The following IER3IP1 variants were observed in gnomAD, a reference collection of about 807,000 sequenced individuals.
IER3IP1 encodes immediate early response 3-interacting protein 1.
In IER3IP1, 16 loss-of-function variants were observed where a neutral mutation model predicts 12.2. That is an observed-to-expected ratio of 1.31 (90% CI 0.89 to 1.99). The LOEUF (loss-of-function observed/expected upper bound fraction) is 1.99. IER3IP1 is among the 30% of genes most tolerant of loss of function. The pLI is 0.00. For synonymous variants in IER3IP1, 42 were observed against 40.0 expected (o/e 1.05, Z -0.19); for missense variants, 95 against 95.8 (o/e 0.99, Z 0.03).
intron 1 of IER3IP1, among the ~76,000 whole-genome samples, chr18:47,158,543 T>C (rs1483316603): frequency 2.0e-5 from 3 of 150,924 alleles, no homozygotes; most frequent in Admixed American, 1.3e-4. Flanking sequence ...GGTTTCGTCA[T>C]GTTACCCAGG....
intron 1 of IER3IP1, among the ~76,000 whole-genome samples, chr18:47,166,094 T>C (rs11873880): frequency 0.079 from 11,975 of 152,218 alleles, 548 homozygotes; most frequent in Non-Finnish European, 0.098. Context: ...ATCCACTTCA[T>C]TATGTGGCAT....
intron 1 of IER3IP1, among the ~76,000 whole-genome samples, chr18:47,157,841 A>C (rs2063966552): frequency 6.6e-6 from 1 of 152,160 alleles, no homozygotes; most frequent in African/African-American, 2.4e-5. Flanking sequence ...TTTTTTTAAA[A>C]TATCATACAA....
At chr18:47,160,421 C>A (rs2063976221) in intron 1 of IER3IP1, among the ~76,000 whole-genome samples, 1 of 152,190 alleles carries the variant, frequency 6.6e-6, no homozygotes, top group African/African-American at 2.4e-5. Context: ...AATGCGGGTT[C>A]AATTCACTAA....
Position 47,174,345 on chromosome 18 carries a change from G to GT in IER3IP1, c.91+1841dup, listed in dbSNP as rs2064024572. Among the ~76,000 whole-genome samples the GT allele has an allele frequency of 4.6e-5, 7 of 152,278 alleles. No homozygotes were observed. In the South Asian group the frequency reaches 1.5e-3, roughly 32 times the overall value. On this transcript the variant is annotated intron_variant, in intron 1 of 2. Coordinates refer to ENST00000256433, the MANE Select transcript of IER3IP1 (RefSeq NM_016097.5). The stretch of plus-strand genomic sequence containing the variant: ...AAGGCACTTGATACAGATCCTGTAC[G>GT]TAAGTGCTACGTAAGTATTAGCTAT...
At chr18:47,163,741 CACATATTACTTTGATAAAAGTAAAA>C (rs1255305938) in intron 1 of IER3IP1, among the ~76,000 whole-genome samples, 1 of 152,134 alleles carries the variant, frequency 6.6e-6, no homozygotes, top group Non-Finnish European at 1.5e-5. Flanking sequence ...GAAAATCATA[CACATATTACTTTGATAAAAGTAAAA>C]ACAAAATTTA....
intron 1 of IER3IP1, among the ~76,000 whole-genome samples, chr18:47,163,393 G>A (rs956776514): frequency 4.6e-5 from 7 of 152,196 alleles, no homozygotes; most frequent in Admixed American, 3.3e-4. Flanking sequence ...GTCCCAGGTG[G>A]AATGGAATAG....
At chr18:47,166,226 A>C (rs1175077709) in intron 1 of IER3IP1, among the ~76,000 whole-genome samples, 1 of 152,244 alleles carries the variant, frequency 6.6e-6, no homozygotes, top group Non-Finnish European at 1.5e-5. Context: ...CATATCCCTC[A>C]TATCAGGAAT....
intron 1 of IER3IP1, among the ~76,000 whole-genome samples, chr18:47,173,288 G>C (rs2064020922): frequency 6.6e-6 from 1 of 152,202 alleles, no homozygotes; most frequent in Admixed American, 6.5e-5. Context: ...AGGGCCAAGA[G>C]ATCTTTGACT....
At chr18:47,158,980 G>C (rs1221413419) in intron 1 of IER3IP1, among the ~76,000 whole-genome samples, 1 of 151,884 alleles carries the variant, frequency 6.6e-6, no homozygotes, top group South Asian at 2.1e-4. Context: ...TTTTTTTAAA[G>C]AGGCAAATGT....
In IER3IP1 at chr18:47,154,348, T is replaced by C. The variant is rs1419488004; in HGVS notation, c.*1829A>G. The C allele has an allele frequency of 6.6e-6, 1 of 152,240 alleles. No homozygotes were observed. Among genetic ancestry groups the C allele is most frequent in the Admixed American group, 6.5e-5 (1 of 15,292 alleles). The allele number at this position is 152,240 out of a possible 1,614,324, so 9.4% of individuals were successfully genotyped here. ...AGATATGACATATTTTGATGTTCAG[T>C]TCAGTGCTTCACTTTCCTCAGAACT... On this transcript the variant is annotated 3_prime_UTR_variant, in exon 3 of 3. Transcript: ENST00000256433.
At position 47,153,550 on chromosome 18, in the gene IER3IP1, C is replaced by T. The variant is rs2063948244; in HGVS notation, c.*2627G>A. 1 of 152,108 alleles carries T rather than the reference C, an allele frequency of 6.6e-6. No individual in the cohort carries two copies. Among genetic ancestry groups the T allele is most frequent in the African/African-American group, 2.4e-5 (1 of 41,390 alleles). 9.4% of individuals were successfully genotyped at this position (152,108 alleles called of 1,614,324 possible). A position where few individuals can be genotyped will look rare whatever the true frequency, so the allele number is the denominator to read the frequency against. On this transcript the variant is annotated 3_prime_UTR_variant, in exon 3 of 3. Transcript: ENST00000256433. ...TTTTTCTGGCACTCTTTCTCACCCT[C>T]CACCCTCAAATAGCCCCCAGTGTCT...
In IER3IP1 at chr18:47,154,154, A is replaced by G. The variant is rs982820228; in HGVS notation, c.*2023T>C. 6.6e-6 allele frequency: 1 copy of G among 152,248 alleles called. No homozygotes were observed. Among genetic ancestry groups the G allele is most frequent in the South Asian group, 2.1e-4 (1 of 4,826 alleles). The allele number at this position is 152,248 out of a possible 1,614,324, so 9.4% of individuals were successfully genotyped here. ...ATCATCACAAATTGTTAATCCTGGTAATAGATAAAGGGGAGGACATGGGCA... is the reference window on the plus strand; with the variant it reads ...ATCATCACAAATTGTTAATCCTGGTGATAGATAAAGGGGAGGACATGGGCA... On this transcript the variant is annotated 3_prime_UTR_variant, in exon 3 of 3. Coordinates refer to ENST00000256433, the MANE Select transcript of IER3IP1 (RefSeq NM_016097.5).
intron 1 of IER3IP1, among the ~76,000 whole-genome samples, chr18:47,175,768 C>T (rs1335059471): frequency 6.6e-6 from 1 of 151,832 alleles, no homozygotes; most frequent in Non-Finnish European, 1.5e-5. Context: ...GCCCCACACC[C>T]CCAACTCTTA....
chr18:47,170,466 A>T (rs1003188061), intron 1 of IER3IP1, among the ~76,000 whole-genome samples: 1 of 152,100 alleles, frequency 6.6e-6, no homozygotes, highest in African/African-American at 2.4e-5. Flanking sequence ...CACCACATTA[A>T]ACCTATAAAT....
rs1193471207 is a variant in IER3IP1 at position 47,154,010 on chromosome 18, G to A, written c.*2167C>T. On this transcript the variant is annotated 3_prime_UTR_variant, in exon 3 of 3. Coordinates refer to ENST00000256433, the MANE Select transcript of IER3IP1 (RefSeq NM_016097.5). ...TTGAAAACCACTGTACTTGATTAGCGATGAATTTGGTTAATATCTACAGAC... is the reference window on the plus strand; with the variant it reads ...TTGAAAACCACTGTACTTGATTAGCAATGAATTTGGTTAATATCTACAGAC... 1.3e-5 allele frequency: 2 copies of A among 152,186 alleles called. No homozygotes were observed. Among genetic ancestry groups the A allele is most frequent in the African/African-American group, 2.4e-5 (1 of 41,442 alleles). The allele number at this position is 152,186 out of a possible 1,614,324, so 9.4% of individuals were successfully genotyped here. A position where few individuals can be genotyped will look rare whatever the true frequency, so the allele number is the denominator to read the frequency against.
intron 1 of IER3IP1, among the ~76,000 whole-genome samples, chr18:47,161,009 T>C (rs1198783625): frequency 6.6e-6 from 1 of 152,224 alleles, no homozygotes; most frequent in East Asian, 1.9e-4. Context: ...AAGACTTACA[T>C]GTCCTCATTT....
intron 1 of IER3IP1, among the ~76,000 whole-genome samples, chr18:47,169,499 T>G (rs1011694128): frequency 6.6e-6 from 1 of 152,208 alleles, no homozygotes. Flanking sequence ...TTTTCCGAAG[T>G]GGCTGAACCA....
chr18:47,170,024 T>A (rs1051172759), intron 1 of IER3IP1, among the ~76,000 whole-genome samples: 2 of 152,172 alleles, frequency 1.3e-5, no homozygotes, highest in African/African-American at 4.8e-5. Context: ...ACAGAGCTTT[T>A]TGTCTGTATG....
At chr18:47,157,273 G>GAAA (rs35638006) in intron 2 of IER3IP1, 163 bp downstream of exon 2, 192 of 501,504 alleles carry the variant, frequency 3.8e-4, no homozygotes, top group Admixed American at 5.1e-4. Flanking sequence ...AGCAAACTAA[G>GAAA]AAAAAAAAAA....
Sources: gnomAD v4.1 joint callset for allele counts (sites outside exome capture counted in the v4.1 genomes callset) on GRCh38, gnomAD v4.1.1 for gene constraint, MANE v1.5 for transcripts, NCBI Gene and HGNC (gene_info 2026-07-23, HGNC 2026-07-21) for gene names.